Variants in SPART observed in about 807,000 individuals in gnomAD.
The protein encoded by SPART is spartin.
Under a neutral mutation model 58.7 loss-of-function variants are expected in SPART, and 35 were observed. That is an observed-to-expected ratio of 0.60 (90% CI 0.46 to 0.79). SPART has a LOEUF of 0.79. SPART is among the 30% of genes least tolerant of loss of function. The probability of loss-of-function intolerance (pLI) is 0.00; values close to 1 mark genes in which losing one functional copy is unlikely to be tolerated. For synonymous variants in SPART, 284 were observed against 280.7 expected, an observed-to-expected ratio of 1.01 and a Z score of -0.12; for missense variants, 730 against 786.1, an observed-to-expected ratio of 0.93 and a Z score of 0.85.
chr13:36,363,926 T>C (rs1000753213), intron 1 of SPART, among the ~76,000 whole-genome samples: 1 of 152,196 alleles, frequency 6.6e-6, no homozygotes, highest in Admixed American at 6.5e-5. Flanking sequence ...GAAACTAGCA[T>C]TGGTATGTAT....
At chr13:36,352,260 A>G (rs1460529872) in intron 1 of SPART, among the ~76,000 whole-genome samples, 1 of 152,206 alleles carries the variant, frequency 6.6e-6, no homozygotes, top group Non-Finnish European at 1.5e-5. Flanking sequence ...TTACAGACCA[A>G]ATATAGTGGA....
intron 1 of SPART, among the ~76,000 whole-genome samples, chr13:36,338,897 G>A (rs997938015): frequency 1.3e-5 from 2 of 152,008 alleles, no homozygotes; most frequent in Admixed American, 6.6e-5. Flanking sequence ...GCAATTCACC[G>A]TTCAGAAGCC....
At chr13:36,311,900 T>TA (rs1236422979) in intron 8 of SPART, among the ~76,000 whole-genome samples, 2 of 151,788 alleles carry the variant, frequency 1.3e-5, no homozygotes, top group African/African-American at 4.8e-5. Flanking sequence ...CCAGCCTGGC[T>TA]AATGTGGTGA....
chr13:36,348,580 A>T (rs1341949850), upstream of SPART, among the ~76,000 whole-genome samples: 1 of 151,424 alleles, frequency 6.6e-6, no homozygotes, highest in Non-Finnish European at 1.5e-5. Flanking sequence ...AACATTTCAA[A>T]AATGAAATTA....
chr13:36,348,384 AT>A (rs1186693589), upstream of SPART, among the ~76,000 whole-genome samples: 1 of 152,242 alleles, frequency 6.6e-6, no homozygotes, highest in Non-Finnish European at 1.5e-5. Flanking sequence ...AATTTTTTAA[AT>A]TTCCAACAGC....
chr13:36,303,182 A>G lies in SPART; in HGVS notation c.*1183T>C, dbSNP rs528810503. On this transcript the variant is annotated 3_prime_UTR_variant, in exon 9 of 9. Transcript: ENST00000438666. ...TTAATTCATAAAGTGCATTCTTCAG[A>G]CAGCTTCAAATAATGTCTAATTAAG... 1.3e-5 allele frequency: 2 copies of G among 152,358 alleles called. No individual in the cohort carries two copies. The highest frequency in any genetic ancestry group is 2.4e-5 in the African/African-American group (1 of 41,584). 9.4% of individuals were successfully genotyped at this position (152,358 alleles called of 1,614,324 possible).
Position 36,312,447 on chromosome 13 carries a change from A to G in SPART, c.1514T>C (p.Val505Ala), listed in dbSNP as rs754753379. The G allele has an allele frequency of 6.2e-7, 1 of 1,614,160 alleles. No homozygotes were observed. Among genetic ancestry groups the G allele is most frequent in the Non-Finnish European group, 8.5e-7 (1 of 1,180,016 alleles). The change falls in exon 7 of 9, where the codon GTT (valine) becomes GCT (alanine). Residue 505 changes from valine (V) to alanine (A), a missense_variant. Transcript: ENST00000438666. ...VDGVCTVANCVGKELAPHVKK... is the reference protein window; with the variant it reads ...VDGVCTVANCAGKELAPHVKK... ...GACATGTGGAGCTAGTTCTTTTCCA[A>G]CGCAATTTGCTACAGTGCAAACTCC...
At chr13:36,362,932 G>T (rs1178955718) in intron 1 of SPART, among the ~76,000 whole-genome samples, 1 of 152,060 alleles carries the variant, frequency 6.6e-6, no homozygotes, top group African/African-American at 2.4e-5. Context: ...TTTTCTGCTG[G>T]TGATTATTAA....
chr13:36,321,683 C>T (rs898929159), intron 5 of SPART, among the ~76,000 whole-genome samples: 3 of 152,130 alleles, frequency 2.0e-5, no homozygotes, highest in African/African-American at 7.2e-5. Flanking sequence ...ATTTTTGCTG[C>T]CCCAACACTT....
Position 36,304,477 on chromosome 13 carries a change from A to G in SPART, c.1889T>C (p.Ile630Thr), listed in dbSNP as rs756517148. Reference protein sequence around the residue: ...TGHTLLEDYQIVDNSQRENQE... With the variant: ...TGHTLLEDYQTVDNSQRENQE... ...ATTTTCCCTCTGAGAATTATCAACT[A>G]TCTGATAGTCCTCAAGGAGAGTGTG... Residue 630 changes from isoleucine (I) to threonine (T), a missense_variant, in exon 9 of 9, where the codon ATA becomes ACA. Coordinates refer to ENST00000438666, the MANE Select transcript of SPART (RefSeq NM_015087.5). 17 of 1,613,958 alleles carry G rather than the reference A, an allele frequency of 1.1e-5. No homozygotes were observed. The highest frequency in any genetic ancestry group is 2.2e-5 in the South Asian group (2 of 91,082).
At chr13:36,316,350 GCCATCGCATCC>G (rs1431267909) in intron 5 of SPART, among the ~76,000 whole-genome samples, 1 of 152,246 alleles carries the variant, frequency 6.6e-6, no homozygotes. Context: ...CCCAAGCCAA[GCCATCGCATCC>G]CCTGTGACTT....
At chr13:36,328,709 A>G (rs1000327434) in intron 4 of SPART, among the ~76,000 whole-genome samples, 7 of 152,214 alleles carry the variant, frequency 4.6e-5, no homozygotes, top group African/African-American at 1.2e-4. Context: ...CAGTTAGAAT[A>G]TATTACATAC....
At chr13:36,359,916 G>A (rs1284266779) in intron 1 of SPART, among the ~76,000 whole-genome samples, 1 of 54,206 alleles carries the variant, frequency 1.8e-5, no homozygotes, top group Non-Finnish European at 3.3e-5. Flanking sequence ...GTAAGAGGTT[G>A]TTAATTTAAA....
At chr13:36,339,665 CAAAA>C (rs1378935499) in intron 1 of SPART, among the ~76,000 whole-genome samples, 2 of 82,960 alleles carry the variant, frequency 2.4e-5, no homozygotes, top group African/African-American at 9.0e-5. Flanking sequence ...AACCAACAAA[CAAAA>C]AACCTCCTAG....
chr13:36,324,747 C>T (rs958839607), intron 5 of SPART, among the ~76,000 whole-genome samples: 5 of 152,126 alleles, frequency 3.3e-5, no homozygotes, highest in Admixed American at 2.0e-4. Context: ...GTTTATTTCA[C>T]CTGGGTGCAA....
chr13:36,363,351 ATCTCTCTC>A (rs148406750), intron 1 of SPART, among the ~76,000 whole-genome samples: 1 of 148,110 alleles, frequency 6.8e-6, no homozygotes, highest in African/African-American at 2.5e-5. Context: ...TTAAATAAGC[ATCTCTCTC>A]TCTCTCTCTC....
chr13:36,333,836 T>C (rs1883701124), intron 2 of SPART, among the ~76,000 whole-genome samples: 1 of 152,176 alleles, frequency 6.6e-6, no homozygotes, highest in Non-Finnish European at 1.5e-5. Flanking sequence ...AGCCTACTCT[T>C]TGTAACCTTA....
chr13:36,321,388 C>T (rs1043613910), intron 5 of SPART, among the ~76,000 whole-genome samples: 2 of 152,198 alleles, frequency 1.3e-5, no homozygotes, highest in Non-Finnish European at 2.9e-5. Flanking sequence ...TAGGCGCTCT[C>T]TAATCAGATA....
intron 1 of SPART, among the ~76,000 whole-genome samples, chr13:36,341,382 A>C (rs1884571198): frequency 6.6e-6 from 1 of 152,220 alleles, no homozygotes; most frequent in Admixed American, 6.5e-5. Context: ...TATATCAAAA[A>C]TATTATTTCA....
Sources: allele counts gnomAD v4.1 joint callset (sites outside exome capture counted in the v4.1 genomes callset), GRCh38; gene constraint gnomAD v4.1.1; transcripts MANE v1.5; gene names NCBI Gene and HGNC (gene_info 2026-07-23, HGNC 2026-07-21).